FIGN: variants seen among roughly 807,000 people sequenced by gnomAD.
The protein encoded by FIGN is fidgetin, microtubule severing factor.
FIGN carries 11 observed loss-of-function variants against 51.3 expected under a neutral mutation model. The observed-to-expected ratio is 0.21, with a 90% confidence interval of 0.13 to 0.35. The LOEUF (loss-of-function observed/expected upper bound fraction) is 0.35, where lower values mean the gene tolerates loss of function less well. FIGN is among the 10% of genes least tolerant of loss of function. FIGN has a pLI of 1.00. For synonymous variants in FIGN, 407 were observed against 363.2 expected (o/e 1.12, Z -1.37); for missense variants, 857 against 943.6 (o/e 0.91, Z 1.20).
At chr2:163,622,652 C>A (rs1257679848) in intron 2 of FIGN, among the ~76,000 whole-genome samples, 2 of 152,046 alleles carry the variant, frequency 1.3e-5, no homozygotes, top group Non-Finnish European at 2.9e-5. Context: ...AACTCCACCT[C>A]CCAGGCTCAA....
intron 2 of FIGN, among the ~76,000 whole-genome samples, chr2:163,614,750 A>T (rs1682841641): frequency 6.6e-6 from 1 of 152,134 alleles, no homozygotes; most frequent in Admixed American, 6.6e-5. Flanking sequence ...TTGTTAGCAT[A>T]AGTTAATAAA....
intron 2 of FIGN, among the ~76,000 whole-genome samples, chr2:163,718,236 T>C (rs1044330186): frequency 6.6e-6 from 1 of 152,152 alleles, no homozygotes; most frequent in Non-Finnish European, 1.5e-5. Context: ...CCAGCTGCCA[T>C]GGAGGGGAAA....
chr2:163,657,243 C>T (rs945176783), intron 2 of FIGN, among the ~76,000 whole-genome samples: 5 of 152,018 alleles, frequency 3.3e-5, no homozygotes, highest in Admixed American at 6.6e-5. Context: ...GATGTCAAGT[C>T]CCCACAGATT....
At chr2:163,694,695 C>T (rs1436793204) in intron 2 of FIGN, among the ~76,000 whole-genome samples, 3 of 152,010 alleles carry the variant, frequency 2.0e-5, no homozygotes, top group Non-Finnish European at 4.4e-5. Context: ...TTGGCCATGT[C>T]CTTTAATGGC....
At chr2:163,612,546 A>G (rs1415397579) in intron 2 of FIGN, 1 of 985,124 alleles carries the variant, frequency 1.0e-6, no homozygotes, top group Non-Finnish European at 1.2e-6. Flanking sequence ...ATGAATTACA[A>G]CTGGCTCCTT....
intron 2 of FIGN, among the ~76,000 whole-genome samples, chr2:163,686,167 T>C (rs1684145087): frequency 6.6e-6 from 1 of 152,220 alleles, no homozygotes; most frequent in Non-Finnish European, 1.5e-5. Flanking sequence ...CTTTGAAGTT[T>C]AGAATAGATT....
intron 2 of FIGN, among the ~76,000 whole-genome samples, chr2:163,613,471 G>A (rs1001962526): frequency 6.6e-6 from 1 of 151,990 alleles, no homozygotes; most frequent in African/African-American, 2.4e-5. Context: ...GCCTGACTCT[G>A]GCTTCTGACA....
chr2:163,622,369 T>C lies in FIGN; in HGVS notation c.26-10563A>G, dbSNP rs537502752. On this transcript the variant is annotated intron_variant, in intron 2 of 2. Transcript: ENST00000333129. ...ATAATAATAAAGTTGCTCCCAATAT[T>C]GTTTTTGGTGGAGTTAAAGGCATAA... is the stretch of plus-strand genomic sequence containing the variant. 7.9e-5 allele frequency among the ~76,000 whole-genome samples: 12 copies of C among 152,106 alleles called. No homozygotes were observed. In the South Asian group the frequency reaches 2.5e-3, roughly 32 times the overall value.
At chr2:163,633,032 A>G (rs1683171705) in intron 2 of FIGN, among the ~76,000 whole-genome samples, 1 of 152,012 alleles carries the variant, frequency 6.6e-6, no homozygotes, top group Non-Finnish European at 1.5e-5. Flanking sequence ...AAACCTTTTA[A>G]AATTCGCCAG....
chr2:163,618,575 A>C (rs115915111), intron 2 of FIGN, among the ~76,000 whole-genome samples: 165 of 152,246 alleles, frequency 1.1e-3, no homozygotes, highest in African/African-American at 3.5e-3. Context: ...AGGGCTTTAA[A>C]AATCACTCGA....
intron 2 of FIGN, among the ~76,000 whole-genome samples, chr2:163,662,747 C>A (rs1683709556): frequency 6.6e-6 from 1 of 152,202 alleles, no homozygotes; most frequent in African/African-American, 2.4e-5. Flanking sequence ...TTTTATCTCC[C>A]AGAATTCCCC....
chr2:163,610,357 T>C lies in FIGN; in HGVS notation c.1475A>G (p.Asp492Gly). Residue 492 changes from aspartate to glycine, a missense_variant, in exon 3 of 3, where the codon GAC (aspartate) becomes GGC (glycine). Asp to Gly is a moderately conservative substitution (Grantham distance 94, BLOSUM62 -1). Around this residue, in one of 3 missense-constraint regions of FIGN, gnomAD observed 799 missense variants for 849.5 expected, o/e 0.94. Coordinates refer to ENST00000333129, the MANE Select transcript of FIGN (RefSeq NM_018086.4). ...PVDWNDIAGL[D>G]LVKAVIKEEV... is the part of the protein sequence containing the mutation. ...CTCTTTAATGACAGCCTTCACCAGG[T>C]CGAGACCAGCAATGTCATTCCAGTC... The C allele has an allele frequency of 1.2e-6, 2 of 1,614,088 alleles. No individual in the cohort carries two copies. Among genetic ancestry groups the C allele is most frequent in the Non-Finnish European group, 1.7e-6 (2 of 1,180,010 alleles).
rs777998583 is a variant in FIGN, at chr2:163,611,687, T to G, written c.145A>C (p.Thr49Pro). 9 of 1,614,062 alleles carry G rather than the reference T, an allele frequency of 5.6e-6. No individual in the cohort carries two copies. Among genetic ancestry groups the G allele is most frequent in the Non-Finnish European group, 7.6e-6 (9 of 1,180,020 alleles). The stretch of plus-strand genomic sequence containing the variant: ...TCATTCGCCCAGGCGTACTGATAGG[T>G]GCGCTGCAGATGACCTCTGTAGGCT... ...VEAYRGHLQR[T>P]YQYAWANDDI... Residue 49 changes from threonine to proline, a missense_variant, in exon 3 of 3, where the codon ACC becomes CCC. Physicochemically the swap from Thr to Pro is conservative, Grantham distance 38 (BLOSUM62 -1). Coordinates refer to ENST00000333129, the MANE Select transcript of FIGN (RefSeq NM_018086.4).
chr2:163,656,714 A>G (rs1402689544), intron 2 of FIGN, among the ~76,000 whole-genome samples: 1 of 152,182 alleles, frequency 6.6e-6, no homozygotes, highest in African/African-American at 2.4e-5. Context: ...TTCATCAATA[A>G]GGAAGCAGGC....
intron 2 of FIGN, among the ~76,000 whole-genome samples, chr2:163,680,708 C>A (rs1215803505): frequency 6.6e-6 from 1 of 152,008 alleles, no homozygotes; most frequent in East Asian, 1.9e-4. Context: ...TGCTTCCCCC[C>A]AATCTTCCCC....
intron 2 of FIGN, among the ~76,000 whole-genome samples, chr2:163,730,466 C>A (rs1417892421): frequency 6.6e-6 from 1 of 151,480 alleles, no homozygotes; most frequent in African/African-American, 2.4e-5. Context: ...TTTCAATAAA[C>A]AATAATATAG....
At chr2:163,672,993 A>G (rs1683901999) in intron 2 of FIGN, among the ~76,000 whole-genome samples, 1 of 152,196 alleles carries the variant, frequency 6.6e-6, no homozygotes, top group African/African-American at 2.4e-5. Flanking sequence ...TACATTATTG[A>G]TGTATCTTTA....
chr2:163,718,185 A>T (rs1206670137), intron 2 of FIGN, among the ~76,000 whole-genome samples: 1 of 152,196 alleles, frequency 6.6e-6, no homozygotes. Flanking sequence ...GATCACTGAA[A>T]GAATTGTCAG....
chr2:163,701,537 G>A (rs1442826407), intron 2 of FIGN, among the ~76,000 whole-genome samples: 3 of 152,184 alleles, frequency 2.0e-5, no homozygotes, highest in Non-Finnish European at 2.9e-5. Flanking sequence ...GGAAACCAAA[G>A]TGCTGCAAGA....
Sources: gnomAD v4.1 joint callset for allele counts (sites outside exome capture counted in the v4.1 genomes callset) on GRCh38, gnomAD v4.1.1 for gene constraint, gnomAD v4.1.1 regional missense constraint, MANE v1.5 for transcripts, NCBI Gene and HGNC (gene_info 2026-07-23, HGNC 2026-07-21) for gene names.